Variants in CLYBL observed in about 807,000 individuals in gnomAD.
The protein encoded by CLYBL is citramalyl-CoA lyase, also known as citramalyl-CoA lyase, mitochondrial.
CLYBL carries 31 observed loss-of-function variants against 38.9 expected under a neutral mutation model. That is an observed-to-expected ratio of 0.80 (90% CI 0.60 to 1.08). The LOEUF is 1.08. Among genes scored for constraint, CLYBL ranks in the 50% least tolerant of loss-of-function variants. The pLI, the probability that CLYBL is intolerant of heterozygous loss-of-function variation, is 0.00. For missense variants in CLYBL, 434 were observed against 411.6 expected, an observed-to-expected ratio of 1.05 and a Z score of -0.47; for synonymous variants, 171 against 158.6, an observed-to-expected ratio of 1.08 and a Z score of -0.59.
At chr13:99,789,872 C>G (rs1344997132) in intron 2 of CLYBL, among the ~76,000 whole-genome samples, 1 of 151,744 alleles carries the variant, frequency 6.6e-6, no homozygotes, top group East Asian at 1.9e-4. Context: ...CTTTATGAAT[C>G]TGGGTGCTCC....
At chr13:99,686,906 G>T (rs1162849918) in intron 1 of CLYBL, among the ~76,000 whole-genome samples, 1 of 152,192 alleles carries the variant, frequency 6.6e-6, no homozygotes, top group Admixed American at 6.5e-5. Flanking sequence ...CAAATGGGAG[G>T]AAATAAGCCA....
At chr13:99,635,385 A>T (rs1053620654) in intron 1 of CLYBL, among the ~76,000 whole-genome samples, 4 of 151,762 alleles carry the variant, frequency 2.6e-5, no homozygotes, top group Admixed American at 6.6e-5. Context: ...TCTTTAGCCC[A>T]GGCCTTCCTA....
intron 1 of CLYBL, among the ~76,000 whole-genome samples, chr13:99,635,188 C>T (rs887939021): frequency 1.3e-5 from 2 of 151,966 alleles, no homozygotes; most frequent in African/African-American, 4.8e-5. Context: ...ACCCCAGGTA[C>T]GTTTCATTAG....
chr13:99,619,066 T>G (rs955324188), intron 1 of CLYBL, among the ~76,000 whole-genome samples: 1 of 152,250 alleles, frequency 6.6e-6, no homozygotes, highest in African/African-American at 2.4e-5. Flanking sequence ...TTCTTTGAAT[T>G]ATACTAGCCA....
At chr13:99,684,890 AG>A (rs2047795420) in intron 1 of CLYBL, among the ~76,000 whole-genome samples, 1 of 152,244 alleles carries the variant, frequency 6.6e-6, no homozygotes, top group South Asian at 2.1e-4. Context: ...TCTTTTATAA[AG>A]AAAACAACCA....
At chr13:99,623,478 C>A (rs997911505) in intron 1 of CLYBL, among the ~76,000 whole-genome samples, 1 of 152,202 alleles carries the variant, frequency 6.6e-6, no homozygotes, top group African/African-American at 2.4e-5. Context: ...TCACTGCCTT[C>A]CATGCTCCTC....
intron 4 of CLYBL, 51 bp downstream of exon 4, chr13:99,863,143 A>C (rs760324701): frequency 2.1e-6 from 2 of 962,522 alleles, no homozygotes; most frequent in Admixed American, 5.0e-5. Context: ...TTATCACCTA[A>C]AGAGAACTTT....
At chr13:99,610,750 C>G (rs1297594175) in intron 1 of CLYBL, among the ~76,000 whole-genome samples, 1 of 152,084 alleles carries the variant, frequency 6.6e-6, no homozygotes, top group Non-Finnish European at 1.5e-5. Context: ...TGCGTGGCCT[C>G]CTAGAGTCTC....
At chr13:99,774,447 A>T (rs2049467937) in intron 2 of CLYBL, among the ~76,000 whole-genome samples, 1 of 152,184 alleles carries the variant, frequency 6.6e-6, no homozygotes, top group Non-Finnish European at 1.5e-5. Flanking sequence ...AGTTAAAAAC[A>T]TGAGTTCGCT....
rs1555324345 is a variant in CLYBL, at chr13:99,880,068, A to ATTTT, written c.927+9020_927+9023dup. Among the ~76,000 whole-genome samples, 410 of 101,188 alleles carry ATTTT rather than the reference A, an allele frequency of 4.1e-3. 3 individuals carry two copies. Among genetic ancestry groups the ATTTT allele is most frequent in the African/African-American group, 5.3e-3 (131 of 24,668 alleles). 66.4% of individuals were successfully genotyped at this position (101,188 alleles called of 152,430 possible). A position where few individuals can be genotyped will look rare whatever the true frequency, so the allele number is the denominator to read the frequency against. On this transcript the variant is annotated intron_variant, in intron 7 of 8. Transcript: ENST00000339105. ...TGTGTATGTATATATATATATATAT[A>ATTTT]TTTTTTTTTTTTTTTTTGAGACAGA...
intron 1 of CLYBL, among the ~76,000 whole-genome samples, chr13:99,679,990 A>C (rs2047711189): frequency 6.6e-6 from 1 of 152,156 alleles, no homozygotes; most frequent in South Asian, 2.1e-4. Context: ...TCTTGGGGCA[A>C]TAGTTAATAT....
intron 1 of CLYBL, among the ~76,000 whole-genome samples, chr13:99,643,874 C>T (rs1179046693): frequency 1.3e-5 from 2 of 151,566 alleles, no homozygotes; most frequent in Non-Finnish European, 2.9e-5. Context: ...GGAGTGGTGG[C>T]GGCGCCTGTA....
rs2050112104 is a variant in CLYBL, at chr13:99,800,595, C to T, written c.249+27585C>T. Among the ~76,000 whole-genome samples the T allele has an allele frequency of 1.3e-5, 2 of 152,198 alleles. 1 individual carries two copies. The highest frequency in any genetic ancestry group is 4.2e-4 in the South Asian group (2 of 4,810). ...TTGGCTTAAGACATAATTGTTTGGC[C>T]GGGTTTGGTAGCTCACGCCTGTAAT... On this transcript the variant is annotated intron_variant, in intron 2 of 8. Coordinates refer to ENST00000339105, the MANE Select transcript of CLYBL (RefSeq NM_206808.5).
chr13:99,758,620 G>A (rs1421198710), intron 1 of CLYBL, among the ~76,000 whole-genome samples: 1 of 152,178 alleles, frequency 6.6e-6, no homozygotes, highest in Non-Finnish European at 1.5e-5. Flanking sequence ...AGGGAGGAGG[G>A]AGGCGTGGTA....
chr13:99,735,417 A>G (rs1345007734), intron 1 of CLYBL, among the ~76,000 whole-genome samples: 1 of 152,014 alleles, frequency 6.6e-6, no homozygotes, highest in Non-Finnish European at 1.5e-5. Context: ...GCTGGTCTTG[A>G]ACTCCTGGAC....
chr13:99,616,631 T>G (rs2046715674), intron 1 of CLYBL, among the ~76,000 whole-genome samples: 1 of 152,158 alleles, frequency 6.6e-6, no homozygotes, highest in African/African-American at 2.4e-5. Flanking sequence ...TAGTTAGGTC[T>G]TTGAGATTGG....
At chr13:99,732,165 G>T (rs2048601884) in intron 1 of CLYBL, among the ~76,000 whole-genome samples, 1 of 140,600 alleles carries the variant, frequency 7.1e-6, no homozygotes, top group African/African-American at 2.6e-5. Flanking sequence ...AGCATTATAT[G>T]GCAGTTTTTT....
At chr13:99,717,778 T>C (rs930684026) in intron 1 of CLYBL, among the ~76,000 whole-genome samples, 14 of 152,070 alleles carry the variant, frequency 9.2e-5, no homozygotes, top group Admixed American at 2.6e-4. Context: ...GTAATCTGTT[T>C]CTTAAAGGCT....
chr13:99,672,624 AAGTT>A (rs1200520232), intron 1 of CLYBL, among the ~76,000 whole-genome samples: 4 of 151,674 alleles, frequency 2.6e-5, no homozygotes, highest in South Asian at 2.1e-4. Context: ...AAAAAAAAAA[AAGTT>A]AGCCAGGCGT....
Sources: allele counts gnomAD v4.1 joint callset (sites outside exome capture counted in the v4.1 genomes callset), GRCh38; gene constraint gnomAD v4.1.1; transcripts MANE v1.5; gene names NCBI Gene and HGNC (gene_info 2026-07-23, HGNC 2026-07-21).